The following MAP3K13 variants were observed in gnomAD, a reference collection of about 807,000 sequenced individuals.
MAP3K13 encodes leucine zipper-bearing kinase.
In MAP3K13, 52 loss-of-function variants were observed where a neutral mutation model predicts 104.0. That is an observed-to-expected ratio of 0.50 (90% CI 0.40 to 0.63). The LOEUF (loss-of-function observed/expected upper bound fraction) is 0.63. MAP3K13 is among the 20% of genes least tolerant of loss of function. The pLI is 0.00. For missense variants in MAP3K13, 914 were observed against 1,218.5 expected, an observed-to-expected ratio of 0.75 and a Z score of 3.72; for synonymous variants, 394 against 442.2, an observed-to-expected ratio of 0.89 and a Z score of 1.37.
chr3:185,444,860 A>G (rs1488001289), intron 4 of MAP3K13, among the ~76,000 whole-genome samples: 4 of 152,182 alleles, frequency 2.6e-5, no homozygotes, highest in East Asian at 3.9e-4. Flanking sequence ...GTATGAGCCT[A>G]TAGTTCAAGC....
chr3:185,459,804 T>C (rs879276483), intron 7 of MAP3K13, among the ~76,000 whole-genome samples: 18 of 152,172 alleles, frequency 1.2e-4, no homozygotes, highest in Non-Finnish European at 2.2e-4. Context: ...ATTCACAATG[T>C]TGTGAAATTG....
intron 1 of MAP3K13, among the ~76,000 whole-genome samples, chr3:185,283,898 C>CTT (rs1201384582): frequency 0.042 from 5,398 of 127,346 alleles, 189 homozygotes; most frequent in African/African-American, 0.086. Context: ...TTCTTTCTTT[C>CTT]TTTTTTTTTT....
chr3:185,409,764 AT>A (rs1006937262), intron 1 of MAP3K13, among the ~76,000 whole-genome samples: 1 of 152,216 alleles, frequency 6.6e-6, no homozygotes, highest in African/African-American at 2.4e-5. Flanking sequence ...GATAAAGAAA[AT>A]GTGGTATATG....
At chr3:185,419,461 A>G (rs1713997588) in intron 1 of MAP3K13, among the ~76,000 whole-genome samples, 1 of 152,110 alleles carries the variant, frequency 6.6e-6, no homozygotes, top group African/African-American at 2.4e-5. Flanking sequence ...TGTATTGAAA[A>G]CCTCTGATTA....
chr3:185,458,342 T>C (rs1028943109), intron 7 of MAP3K13, among the ~76,000 whole-genome samples: 12 of 137,104 alleles, frequency 8.8e-5, no homozygotes, highest in African/African-American at 3.3e-4. Flanking sequence ...CACTCCAGCC[T>C]GGGCAATAGA....
chr3:185,297,119 C>T (rs1484719875), intron 2 of MAP3K13, among the ~76,000 whole-genome samples: 1 of 152,078 alleles, frequency 6.6e-6, no homozygotes, highest in Admixed American at 6.6e-5. Context: ...AACTATAAGA[C>T]ATTGTGCAGT....
chr3:185,465,939 T>G (rs1717391075), intron 9 of MAP3K13, 76 bp downstream of exon 9: 1 of 1,050,794 alleles, frequency 9.5e-7, no homozygotes, highest in South Asian at 1.3e-5. Context: ...CCTTCCATGT[T>G]GCTGCTACTC....
At chr3:185,373,322 A>T (rs936270420) in intron 1 of MAP3K13, among the ~76,000 whole-genome samples, 1 of 152,156 alleles carries the variant, frequency 6.6e-6, no homozygotes, top group Non-Finnish European at 1.5e-5. Flanking sequence ...CTATTTTTGT[A>T]TGTAATTCAT....
chr3:185,455,332 T>G lies in MAP3K13; in HGVS notation c.1278+3937T>G, dbSNP rs866645503. Among the ~76,000 whole-genome samples the G allele has an allele frequency of 2.7e-3, 276 of 103,476 alleles. 51 individuals carry two copies. Among genetic ancestry groups the G allele is most frequent in the African/African-American group, 9.0e-3 (256 of 28,372 alleles). 67.9% of individuals were successfully genotyped at this position (103,476 alleles called of 152,430 possible). A position where few individuals can be genotyped will look rare whatever the true frequency, so the allele number is the denominator to read the frequency against. ...TGAGATATATATGAGATATATATGA[T>G]ATATATGAGATATATATGATATATA... On this transcript the variant is annotated intron_variant, in intron 7 of 13. Coordinates refer to ENST00000265026, the MANE Select transcript of MAP3K13 (RefSeq NM_004721.5).
rs778380746 is a variant in MAP3K13, at chr3:185,428,716, C to G, written c.135C>G (p.Asp45Glu). The G allele has an allele frequency of 6.2e-6, 10 of 1,614,136 alleles. No homozygotes were observed. Among genetic ancestry groups the G allele is most frequent in the South Asian group, 1.1e-5 (1 of 91,076 alleles). ...ACCCTTCTCCCAAGCTGCTCGAGGA[C>G]CAGCAGGAAAAGGGGATGGTACGAA... ...GNHPSPKLLE[D>E]QQEKGMVRTE... Residue 45 changes from aspartate (D) to glutamate (E), a missense_variant, in exon 2 of 14, where the codon GAC (aspartate) becomes GAG (glutamate). Around this residue, in one of 3 missense-constraint regions of MAP3K13, gnomAD observed 156 missense variants for 159.8 expected, o/e 0.98. Transcript: ENST00000265026.
intron 2 of MAP3K13, among the ~76,000 whole-genome samples, chr3:185,304,931 CA>C (rs55973572): frequency 0.78 from 118,226 of 152,114 alleles, 46,485 homozygotes; most frequent in Non-Finnish European, 0.84. Flanking sequence ...CGCACCCGGC[CA>C]CCCCTGTTCT....
At chr3:185,463,221 C>T (rs1346346003) in intron 7 of MAP3K13, among the ~76,000 whole-genome samples, 1 of 152,182 alleles carries the variant, frequency 6.6e-6, no homozygotes, top group Non-Finnish European at 1.5e-5. Context: ...GCGATCTCAG[C>T]CACCATCTTG....
In MAP3K13 at chr3:185,461,714, C is replaced by T. The variant is rs146699819; in HGVS notation, c.1279-1836C>T. ...AATAGCTGGCATTGCAGGGGCAGGC[C>T]ACCACACCCAGCTAATTTTTGTATT... On this transcript the variant is annotated intron_variant, in intron 7 of 13. Coordinates refer to ENST00000265026, the MANE Select transcript of MAP3K13 (RefSeq NM_004721.5). 5.6e-3 allele frequency among the ~76,000 whole-genome samples: 851 copies of T among 150,992 alleles called. 7 individuals carry two copies. The highest frequency in any genetic ancestry group is 0.019 in the African/African-American group (783 of 40,382).
Position 185,450,638 on chromosome 3 carries a change from A to G in MAP3K13, c.1169+580A>G, listed in dbSNP as rs964171893. ...ATAAAATAAAATAAAATATAAATAA[A>G]AAACTGTACTGCAGGGCCAGGCATG... On this transcript the variant is annotated intron_variant, in intron 6 of 13. Coordinates refer to ENST00000265026, the MANE Select transcript of MAP3K13 (RefSeq NM_004721.5). This position sits in a 1 kb window ranked among gnomAD's most constrained non-coding sequence, Gnocchi z 4.2. Among the ~76,000 whole-genome samples the G allele has an allele frequency of 2.0e-5, 3 of 152,036 alleles. No individual in the cohort carries two copies. Among genetic ancestry groups the G allele is most frequent in the Non-Finnish European group, 4.4e-5 (3 of 68,004 alleles).
At chr3:185,345,427 G>A (rs923877654) in intron 2 of MAP3K13, among the ~76,000 whole-genome samples, 1 of 152,172 alleles carries the variant, frequency 6.6e-6, no homozygotes, top group Non-Finnish European at 1.5e-5. Flanking sequence ...GCTGGTCTGT[G>A]GCCTATTAGG....
chr3:185,335,193 T>C (rs1167395696), intron 2 of MAP3K13, among the ~76,000 whole-genome samples: 1 of 152,216 alleles, frequency 6.6e-6, no homozygotes, highest in Non-Finnish European at 1.5e-5. Flanking sequence ...AAGAGGACCA[T>C]GCAGCATTTT....
At position 185,480,442 on chromosome 3, in the gene MAP3K13, T is replaced by A; in HGVS notation, c.2712T>A (p.Asp904Glu). ...EIPIDISSHS[D>E]GLSDKECAVR... Reference sequence around the variant, plus strand: ...CCATTGACATATCCTCACACTCGGATGGGCTCTCTGACAAGGAGTGTGCCG... The same window carrying A: ...CCATTGACATATCCTCACACTCGGAAGGGCTCTCTGACAAGGAGTGTGCCG... Residue 904 changes from aspartate (D) to glutamate (E), a missense_variant, in exon 13 of 14, where the codon GAT (aspartate) becomes GAA (glutamate). Transcript: ENST00000265026. 1 of 1,614,220 alleles carries A rather than the reference T, an allele frequency of 6.2e-7. No individual in the cohort carries two copies. The highest frequency in any genetic ancestry group is 1.7e-5 in the Admixed American group (1 of 60,022).
chr3:185,467,292 AATGGTACAATT>A (rs1219097018), intron 10 of MAP3K13, among the ~76,000 whole-genome samples: 2 of 152,216 alleles, frequency 1.3e-5, no homozygotes, highest in Non-Finnish European at 2.9e-5. Flanking sequence ...TCATGGATAA[AATGGTACAATT>A]ACAGCACATG....
chr3:185,419,913 C>T (rs1714021624), intron 1 of MAP3K13, among the ~76,000 whole-genome samples: 1 of 152,002 alleles, frequency 6.6e-6, no homozygotes, highest in Non-Finnish European at 1.5e-5. Context: ...AATGAAGTAT[C>T]TTTATTCATT....
Sources: allele counts gnomAD v4.1 joint callset (sites outside exome capture counted in the v4.1 genomes callset), GRCh38; gene constraint gnomAD v4.1.1; regional missense constraint gnomAD v4.1.1; non-coding constraint Gnocchi (gnomAD v3.1); transcripts MANE v1.5; gene names NCBI Gene and HGNC (gene_info 2026-07-23, HGNC 2026-07-21).